Variants in ANO4 observed in about 807,000 individuals in gnomAD.
ANO4 encodes the protein anoctamin 4.
ANO4 carries 69 observed loss-of-function variants against 141.9 expected under a neutral mutation model. The ratio of observed to expected loss-of-function variants is 0.49; its 90% CI spans 0.40 to 0.59. The LOEUF (loss-of-function observed/expected upper bound fraction) is 0.59. Ranked by LOEUF, ANO4 falls within the 20% of genes least tolerant of loss-of-function variation. The probability of loss-of-function intolerance (pLI) is 0.00; values close to 1 mark genes in which losing one functional copy is unlikely to be tolerated. For synonymous variants in ANO4, 350 were observed against 394.3 expected (o/e 0.89, Z 1.33); for missense variants, 894 against 1,162.2 (o/e 0.77, Z 3.36).
intron 1 of ANO4, among the ~76,000 whole-genome samples, chr12:100,721,649 C>G (rs1593225402): frequency 6.6e-6 from 1 of 152,048 alleles, no homozygotes. Context: ...TCCTCCCTTA[C>G]CAGCACATAC....
intron 1 of ANO4, among the ~76,000 whole-genome samples, chr12:100,850,196 T>C (rs2037793505): frequency 6.6e-6 from 1 of 152,254 alleles, no homozygotes; most frequent in Admixed American, 6.5e-5. Flanking sequence ...ATTTCTGCCA[T>C]TGATCCTTGG....
At chr12:100,841,438 T>G (rs1047156469) in intron 1 of ANO4, among the ~76,000 whole-genome samples, 5 of 152,090 alleles carry the variant, frequency 3.3e-5, no homozygotes, top group Non-Finnish European at 5.9e-5. Flanking sequence ...TTCTAATGGG[T>G]AAGAAGGCAG....
chr12:100,765,380 T>TTTC (rs150263512), intron 3 of ANO4, among the ~76,000 whole-genome samples: 5,357 of 34,778 alleles, frequency 0.15, 236 homozygotes, highest in African/African-American at 0.4. Context: ...TCTTTCTTTC[T>TTTC]TTTTTTTTTT....
In ANO4 at chr12:100,883,021, T is replaced by C. The variant is rs181481419; in HGVS notation, c.-140-18625T>C. ...CAGCTGGAGCTCTGTTTATGCTCTT[T>C]GTTGATTCCCTATTGTGCTCCTAAC... On this transcript the variant is annotated intron_variant, in intron 1 of 27. Coordinates refer to ENST00000392977, the MANE Select transcript of ANO4 (RefSeq NM_001286615.2). Among the ~76,000 whole-genome samples the C allele has an allele frequency of 3.0e-3, 458 of 152,248 alleles. 1 individual carries two copies. Among genetic ancestry groups the C allele is most frequent in the African/African-American group, 0.01 (434 of 41,546 alleles).
At chr12:100,735,395 A>G (rs1491002779) in intron 2 of ANO4, among the ~76,000 whole-genome samples, 1 of 152,208 alleles carries the variant, frequency 6.6e-6, no homozygotes, top group African/African-American at 2.4e-5. Context: ...GCAACCTAAA[A>G]TGCCATTCCC....
chr12:101,104,611 GTGTGTATGTATGTGTGTATATA>G (rs1295832478), intron 22 of ANO4, among the ~76,000 whole-genome samples: 2,260 of 77,688 alleles, frequency 0.029, 53 homozygotes, highest in South Asian at 0.045. Context: ...GTGTGTGTGT[GTGTGTATGTATGTGTGTATATA>G]TATATATATA....
intron 5 of ANO4, among the ~76,000 whole-genome samples, chr12:100,970,335 A>G (rs1016509130): frequency 2.0e-5 from 3 of 152,216 alleles, no homozygotes; most frequent in Non-Finnish European, 4.4e-5. Context: ...TCTTCTGCTC[A>G]CTTTCTCAGC....
chr12:100,800,560 G>A (rs1475886912), intron 1 of ANO4, among the ~76,000 whole-genome samples: 4 of 152,142 alleles, frequency 2.6e-5, no homozygotes, highest in Non-Finnish European at 5.9e-5. Flanking sequence ...TCCAATTTTC[G>A]AAGATATTAT....
intron 5 of ANO4, among the ~76,000 whole-genome samples, chr12:100,967,591 A>G (rs1288538865): frequency 1.3e-5 from 2 of 151,890 alleles, no homozygotes; most frequent in African/African-American, 2.4e-5. Context: ...ACACACACAC[A>G]CACACACACA....
At chr12:100,718,210 G>C (rs2030702839) in intron 1 of ANO4, among the ~76,000 whole-genome samples, 1 of 152,214 alleles carries the variant, frequency 6.6e-6, no homozygotes, top group East Asian at 1.9e-4. Context: ...AAATCACTGT[G>C]TGAAGGTTTC....
chr12:100,811,605 A>G (rs1252544112), intron 1 of ANO4, among the ~76,000 whole-genome samples: 1 of 152,186 alleles, frequency 6.6e-6, no homozygotes, highest in African/African-American at 2.4e-5. Flanking sequence ...TGGACTGGAT[A>G]CATTTCCACA....
intron 1 of ANO4, among the ~76,000 whole-genome samples, chr12:100,836,119 C>T (rs1392796999): frequency 6.6e-6 from 1 of 152,068 alleles, no homozygotes; most frequent in Non-Finnish European, 1.5e-5. Flanking sequence ...ATCTTAGAGT[C>T]AGTAGTCTTT....
intron 8 of ANO4, among the ~76,000 whole-genome samples, chr12:101,011,896 C>G (rs2136451164): frequency 6.6e-6 from 1 of 152,196 alleles, no homozygotes; most frequent in South Asian, 2.1e-4. Context: ...GTTACCCCTT[C>G]CTCCTGAAGT....
At chr12:100,780,237 T>G (rs1247659769) in intron 3 of ANO4, among the ~76,000 whole-genome samples, 2 of 152,082 alleles carry the variant, frequency 1.3e-5, no homozygotes, top group Non-Finnish European at 2.9e-5. Context: ...AACCCCCAAA[T>G]TGAGGCTTAG....
chr12:101,033,653 A>T (rs2047075034), intron 9 of ANO4, among the ~76,000 whole-genome samples: 1 of 152,172 alleles, frequency 6.6e-6, no homozygotes, highest in Admixed American at 6.5e-5. Flanking sequence ...GTTCTAATTA[A>T]ACTAAAGAGC....
At position 101,097,677 on chromosome 12, in the gene ANO4, T is replaced by A. The variant is rs1160713397; in HGVS notation, c.1877T>A (p.Leu626Ter). 1 of 1,613,688 alleles carries A rather than the reference T, an allele frequency of 6.2e-7. No homozygotes were observed. Among genetic ancestry groups the A allele is most frequent in the Non-Finnish European group, 8.5e-7 (1 of 1,179,662 alleles). Residue 626 changes from leucine (L) to a stop codon, truncating the protein, a stop_gained, in exon 20 of 28, where the codon TTG becomes TAG. Coordinates refer to ENST00000392977, the MANE Select transcript of ANO4 (RefSeq NM_001286615.2). LOFTEE classifies it high-confidence loss of function. ...TTTACAGGACACCCAGGTGCCTACT[T>A]GAGGCTGATAAACAGGTGGAGACTA... ...GRFTGHPGAY[L>*]RLINRWRLEE...
intron 14 of ANO4, among the ~76,000 whole-genome samples, chr12:101,074,350 G>C (rs1487643323): frequency 2.6e-5 from 4 of 152,200 alleles, no homozygotes; most frequent in African/African-American, 7.2e-5. Flanking sequence ...GGTCTCACTG[G>C]GTCACCTGGG....
intron 3 of ANO4, among the ~76,000 whole-genome samples, chr12:100,774,709 GACAA>G (rs148898636): frequency 0.15 from 22,121 of 152,162 alleles, 1,849 homozygotes; most frequent in Non-Finnish European, 0.18. Context: ...CTTAGTCAAA[GACAA>G]ACAAAAACGA....
At chr12:101,050,085 G>A (rs1437551211) in intron 14 of ANO4, among the ~76,000 whole-genome samples, 1 of 152,276 alleles carries the variant, frequency 6.6e-6, no homozygotes, top group East Asian at 1.9e-4. Flanking sequence ...GGACCAGGAG[G>A]AATTAGGAGG....
Sources: gnomAD v4.1 joint callset for allele counts (sites outside exome capture counted in the v4.1 genomes callset) on GRCh38, gnomAD v4.1.1 for gene constraint, MANE v1.5 for transcripts, NCBI Gene and HGNC (gene_info 2026-07-23, HGNC 2026-07-21) for gene names.